TTC39B: variants seen among roughly 807,000 people sequenced by gnomAD.
TTC39B encodes tetratricopeptide repeat protein 39B.
A neutral mutation model predicts 96.6 loss-of-function variants in TTC39B; 92 were observed. That is an observed-to-expected ratio of 0.95 (90% CI 0.80 to 1.13). The LOEUF is 1.13. Among genes scored for constraint, TTC39B ranks in the 50% most tolerant of loss-of-function variants. The probability of loss-of-function intolerance (pLI) is 0.00; values close to 1 mark genes in which losing one functional copy is unlikely to be tolerated. For synonymous variants in TTC39B, 367 were observed against 299.4 expected (o/e 1.23, Z -2.33); for missense variants, 955 against 809.3 (o/e 1.18, Z -2.18).
At chr9:15,195,611 A>C (rs1393525774) in intron 8 of TTC39B, among the ~76,000 whole-genome samples, 1 of 143,740 alleles carries the variant, frequency 7.0e-6, no homozygotes, top group Non-Finnish European at 1.5e-5. Context: ...CGCAGGTTGC[A>C]GTGAGCTGAG....
At chr9:15,189,188 G>A (rs996169519) in intron 13 of TTC39B, among the ~76,000 whole-genome samples, 1 of 152,114 alleles carries the variant, frequency 6.6e-6, no homozygotes, top group African/African-American at 2.4e-5. Context: ...TTTTTTGAGG[G>A]GTCCTTTGAT....
At chr9:15,178,858 C>T (rs1247571826) in intron 17 of TTC39B, among the ~76,000 whole-genome samples, 1 of 152,158 alleles carries the variant, frequency 6.6e-6, no homozygotes, top group Non-Finnish European at 1.5e-5. Flanking sequence ...AGCAGATGGC[C>T]TTATCCCCAT....
At chr9:15,198,137 T>C (rs1313556846) in intron 8 of TTC39B, among the ~76,000 whole-genome samples, 1 of 152,092 alleles carries the variant, frequency 6.6e-6, no homozygotes, top group Non-Finnish European at 1.5e-5. Context: ...GGGTTTAAAA[T>C]ATATGTAAAT....
intron 4 of TTC39B, among the ~76,000 whole-genome samples, chr9:15,211,822 T>A (rs576907827): frequency 1.3e-5 from 2 of 152,292 alleles, no homozygotes; most frequent in Admixed American, 6.5e-5. Context: ...AAATAATCCC[T>A]CTCCTCGCCA....
At chr9:15,212,854 T>C (rs1313789715) in intron 4 of TTC39B, among the ~76,000 whole-genome samples, 3 of 152,200 alleles carry the variant, frequency 2.0e-5, no homozygotes, top group African/African-American at 7.2e-5. Flanking sequence ...TCAAAGGAGA[T>C]AATGGATACA....
chr9:15,182,975 C>A (rs1360371310), intron 16 of TTC39B, among the ~76,000 whole-genome samples: 1 of 152,098 alleles, frequency 6.6e-6, no homozygotes, highest in Non-Finnish European at 1.5e-5. Context: ...CTAATGATTT[C>A]TCATTACAGA....
chr9:15,235,432 G>A (rs1821732386), intron 2 of TTC39B, among the ~76,000 whole-genome samples: 1 of 152,128 alleles, frequency 6.6e-6, no homozygotes, highest in Admixed American at 6.5e-5. Context: ...TTTCTACAGA[G>A]GTGAACATAC....
exon 20 of TTC39B, chr9:15,165,919 A>C (rs181884347): frequency 6.6e-6 from 1 of 152,336 alleles, no homozygotes; most frequent in East Asian, 1.9e-4. Flanking sequence ...AAAATGAAAT[A>C]ATATTCTTTA....
At chr9:15,290,516 T>C (rs1169487758) in intron 1 of TTC39B, among the ~76,000 whole-genome samples, 4 of 152,216 alleles carry the variant, frequency 2.6e-5, no homozygotes, top group Admixed American at 2.0e-4. Context: ...TAACAACTTA[T>C]CTTCACAGGT....
At chr9:15,257,413 C>T (rs923251716) in intron 2 of TTC39B, among the ~76,000 whole-genome samples, 1 of 152,008 alleles carries the variant, frequency 6.6e-6, no homozygotes, top group African/African-American at 2.4e-5. Flanking sequence ...GGTTTACTAT[C>T]CTCTTTACTT....
intron 2 of TTC39B, among the ~76,000 whole-genome samples, chr9:15,227,937 CAT>C (rs1407332227): frequency 6.6e-6 from 1 of 152,082 alleles, no homozygotes; most frequent in Non-Finnish European, 1.5e-5. Flanking sequence ...GATTATATAA[CAT>C]AGTTTTACCT....
exon 4 of TTC39B, chr9:15,214,164 C>G: frequency 6.2e-7 from 1 of 1,613,834 alleles, no homozygotes; most frequent in East Asian, 2.2e-5. Flanking sequence ...TCTAAGGCGT[C>G]TGTAAATTTG....
intron 8 of TTC39B, among the ~76,000 whole-genome samples, chr9:15,195,629 C>T (rs1339547171): frequency 7.2e-6 from 1 of 138,334 alleles, no homozygotes; most frequent in South Asian, 2.3e-4. Flanking sequence ...GAGATCGTGC[C>T]ACTGCACTCC....
At chr9:15,218,241 T>G (rs1439896811) in intron 3 of TTC39B, among the ~76,000 whole-genome samples, 1 of 149,816 alleles carries the variant, frequency 6.7e-6, no homozygotes, top group African/African-American at 2.5e-5. Context: ...CCCCCTCAAG[T>G]ATAGCATGAT....
chr9:15,304,854 C>G (rs1457932059), intron 1 of TTC39B, among the ~76,000 whole-genome samples: 1 of 152,114 alleles, frequency 6.6e-6, no homozygotes, highest in African/African-American at 2.4e-5. Flanking sequence ...CAGGCTAGTA[C>G]AGGGCTTGGC....
At chr9:15,199,476 G>C (rs938174413) in intron 8 of TTC39B, among the ~76,000 whole-genome samples, 5 of 151,866 alleles carry the variant, frequency 3.3e-5, no homozygotes, top group South Asian at 2.1e-4. Flanking sequence ...TGGCTCACGC[G>C]TGTAATCCCA....
At chr9:15,213,459 T>G (rs1392796251) in intron 4 of TTC39B, among the ~76,000 whole-genome samples, 1 of 152,184 alleles carries the variant, frequency 6.6e-6, no homozygotes, top group African/African-American at 2.4e-5. Context: ...ATCTCTAAGA[T>G]TCACATGACC....
chr9:15,219,766 C>A (rs1035269524), intron 3 of TTC39B, among the ~76,000 whole-genome samples: 18 of 152,194 alleles, frequency 1.2e-4, no homozygotes, highest in Admixed American at 7.2e-4. Flanking sequence ...AATGGCCCAG[C>A]CCCTTTCTTA....
At chr9:15,249,727 G>T (rs1822447210) in intron 2 of TTC39B, 1 of 291,086 alleles carries the variant, frequency 3.4e-6, no homozygotes, top group Non-Finnish European at 5.8e-6. Flanking sequence ...GGGTCAGAGG[G>T]GAAGCCAAGC....
Sources: gnomAD v4.1 joint callset for allele counts (sites outside exome capture counted in the v4.1 genomes callset) on GRCh38, gnomAD v4.1.1 for gene constraint, MANE v1.5 for transcripts, NCBI Gene and HGNC (gene_info 2026-07-23, HGNC 2026-07-21) for gene names.